The following SNX2 variants were observed in gnomAD, a reference collection of about 807,000 sequenced individuals.
SNX2 encodes sorting nexin 2.
In SNX2, 25 loss-of-function variants were observed where a neutral mutation model predicts 69.9. The observed-to-expected ratio is 0.36, with a 90% CI of 0.26 to 0.50. SNX2 has a LOEUF of 0.50. Ranked by LOEUF, SNX2 falls within the 20% of genes least tolerant of loss-of-function variation. The pLI is 0.97. For missense variants in SNX2, 551 were observed against 613.3 expected (o/e 0.90, Z 1.07); for synonymous variants, 229 against 200.4 (o/e 1.14, Z -1.20).
In SNX2 at chr5:122,831,917, G is replaced by T. The variant is rs1754299266; in HGVS notation, c.*2269G>T. Among the ~76,000 whole-genome samples, 1 of 152,092 alleles carries T rather than the reference G, an allele frequency of 6.6e-6. No homozygotes were observed. The highest frequency in any genetic ancestry group is 6.6e-5 in the Admixed American group (1 of 15,258). ...CCCTTGCCCACATTTACTAAAAGATGAGTGTGCTGGAAATTTCAAGTATTA... is the reference window on the plus strand; with the variant it reads ...CCCTTGCCCACATTTACTAAAAGATTAGTGTGCTGGAAATTTCAAGTATTA... On this transcript the variant is annotated 3_prime_UTR_variant, in exon 15 of 15. Coordinates refer to ENST00000379516, the MANE Select transcript of SNX2 (RefSeq NM_003100.4).
intron 3 of SNX2, among the ~76,000 whole-genome samples, chr5:122,800,326 C>A (rs896586045): frequency 3.3e-5 from 5 of 152,054 alleles, no homozygotes; most frequent in African/African-American, 1.2e-4. Flanking sequence ...AAAAATTATA[C>A]AGAGATTATT....
chr5:122,784,169 G>A (rs1753032353), intron 1 of SNX2, among the ~76,000 whole-genome samples: 1 of 150,024 alleles, frequency 6.7e-6, no homozygotes, highest in Admixed American at 6.6e-5. Context: ...TAATCATATT[G>A]TTTGTGATTG....
chr5:122,776,133 C>A (rs990415879), intron 1 of SNX2, among the ~76,000 whole-genome samples: 4 of 152,132 alleles, frequency 2.6e-5, no homozygotes, highest in African/African-American at 9.7e-5. Flanking sequence ...TATGAAATTT[C>A]CCAGAGGATT....
At chr5:122,779,386 A>G (rs1329408515) in intron 1 of SNX2, among the ~76,000 whole-genome samples, 1 of 152,144 alleles carries the variant, frequency 6.6e-6, no homozygotes, top group Non-Finnish European at 1.5e-5. Flanking sequence ...AGATTTCCCT[A>G]TTCTAGACTT....
intron 1 of SNX2, among the ~76,000 whole-genome samples, chr5:122,791,321 G>A (rs969522661): frequency 6.6e-6 from 1 of 151,468 alleles, no homozygotes; most frequent in Non-Finnish European, 1.5e-5. Context: ...TTGCCCTGTC[G>A]CCCAGGCTGG....
In SNX2 at chr5:122,834,225, T is replaced by C. The variant is rs995502513; in HGVS notation, c.*4577T>C. ...ACTGTTGCTTCAGACGCTGATAAGA[T>C]TGTAGAAGATAGGGAAGCTGTAGTT... On this transcript the variant is annotated 3_prime_UTR_variant, in exon 15 of 15. Coordinates refer to ENST00000379516, the MANE Select transcript of SNX2 (RefSeq NM_003100.4). The C allele has an allele frequency of 3.3e-5, 5 of 152,222 alleles. No individual in the cohort carries two copies. The highest frequency in any genetic ancestry group is 6.5e-5 in the Admixed American group (1 of 15,274). 9.4% of individuals were successfully genotyped at this position (152,222 alleles called of 1,614,324 possible). A position where few individuals can be genotyped will look rare whatever the true frequency, so the allele number is the denominator to read the frequency against.
At chr5:122,826,573 G>A in intron 12 of SNX2, 6 of 587,084 alleles carry the variant, frequency 1.0e-5, no homozygotes, top group Non-Finnish European at 1.3e-5. Context: ...ATTATATATG[G>A]TATTTTAGTG....
intron 3 of SNX2, 110 bp from the exon 4 acceptor site, chr5:122,801,759 A>G (rs868771593): frequency 1.4e-6 from 1 of 696,950 alleles, no homozygotes; most frequent in Middle Eastern, 4.0e-4. Context: ...GGGTGGCTAA[A>G]TTATTTGTTG....
At position 122,833,428 on chromosome 5, in the gene SNX2, C is replaced by A. The variant is rs1024864972; in HGVS notation, c.*3780C>A. The A allele has an allele frequency of 1.3e-5, 2 of 152,044 alleles. No individual in the cohort carries two copies. Among genetic ancestry groups the A allele is most frequent in the Non-Finnish European group, 2.9e-5 (2 of 67,966 alleles). 9.4% of individuals were successfully genotyped at this position (152,044 alleles called of 1,614,324 possible). On this transcript the variant is annotated 3_prime_UTR_variant, in exon 15 of 15. Coordinates refer to ENST00000379516, the MANE Select transcript of SNX2 (RefSeq NM_003100.4). ...CAGCCAAATGTTAAAAAGTAAAAAA[C>A]AATTTTAATAATCCAGTAGCTCCAA...
At chr5:122,816,823 GGA>G (rs1350804402) in intron 8 of SNX2, 90 bp from the exon 9 acceptor site, 7 of 565,960 alleles carry the variant, frequency 1.2e-5, no homozygotes, top group African/African-American at 1.1e-4. Context: ...TATGTGGGGG[GGA>G]GGGGGGAGGA....
Position 122,827,597 on chromosome 5 carries a change from A to G in SNX2, c.1460A>G (p.Lys487Arg), listed in dbSNP as rs762169819. 6.2e-7 allele frequency: 1 copy of G among 1,613,430 alleles called. No homozygotes were observed. ...CAGAAAGAACGAGTGAAGGATTTTA[A>G]AACCGTTATCATCAAGTACTTAGAA... ...RFEKERVKDF[K>R]TVIIKYLESL... Residue 487 changes from lysine to arginine, a missense_variant, in exon 14 of 15, where the codon AAA becomes AGA. Physicochemically the swap from Lys to Arg is conservative, Grantham distance 26. Around this residue, in one of 2 missense-constraint regions of SNX2, gnomAD observed 360 missense variants for 450.4 expected, o/e 0.80. Transcript: ENST00000379516.
chr5:122,795,151 C>A, intron 1 of SNX2, 115 bp from the exon 2 acceptor site: 1 of 672,874 alleles, frequency 1.5e-6, no homozygotes, highest in Non-Finnish European at 2.6e-6. Context: ...AATAGCTGTT[C>A]TTGTTCTTTC....
At chr5:122,791,461 T>C (rs185095339) in intron 1 of SNX2, among the ~76,000 whole-genome samples, 518 of 152,368 alleles carry the variant, frequency 3.4e-3, no homozygotes, top group Non-Finnish European at 5.9e-3. Context: ...TTTGTATTTT[T>C]AGTAGAGACG....
chr5:122,779,198 A>T (rs886321124), intron 1 of SNX2, among the ~76,000 whole-genome samples: 1 of 152,166 alleles, frequency 6.6e-6, no homozygotes, highest in African/African-American at 2.4e-5. Flanking sequence ...CCCATTTAGT[A>T]TGTACAATTT....
At chr5:122,785,640 T>C (rs1000629126) in intron 1 of SNX2, among the ~76,000 whole-genome samples, 5 of 152,236 alleles carry the variant, frequency 3.3e-5, no homozygotes, top group African/African-American at 9.6e-5. Flanking sequence ...TCTTATTTGA[T>C]CTATGAGTTA....
In SNX2 at chr5:122,825,058, A is replaced by C. The variant is rs369057712; in HGVS notation, c.1213-992A>C. Among the ~76,000 whole-genome samples the C allele has an allele frequency of 4.6e-5, 7 of 152,210 alleles. No individual in the cohort carries two copies. In the East Asian group the frequency reaches 5.8e-4, roughly 13 times the overall value. ...TGATTTTCTCCAAAGCCTGCTTTTT[A>C]AAAATATACTACCTACATATTTTTC... On this transcript the variant is annotated intron_variant, in intron 11 of 14. Coordinates refer to ENST00000379516, the MANE Select transcript of SNX2 (RefSeq NM_003100.4).
At chr5:122,816,606 G>A (rs1479797785) in intron 8 of SNX2, among the ~76,000 whole-genome samples, 1 of 152,150 alleles carries the variant, frequency 6.6e-6, no homozygotes, top group Non-Finnish European at 1.5e-5. Flanking sequence ...CAGGTGGCCA[G>A]TGTTAGGGTA....
At position 122,830,323 on chromosome 5, in the gene SNX2, G is replaced by C. The variant is rs1020132716; in HGVS notation, c.*675G>C. Among the ~76,000 whole-genome samples, 1 of 152,038 alleles carries C rather than the reference G, an allele frequency of 6.6e-6. No homozygotes were observed. The highest frequency in any genetic ancestry group is 2.1e-4 in the South Asian group (1 of 4,820). Reference sequence around the variant, plus strand: ...AGAACATTTGACTCTTGATTGTCTTGGGTAAAGAAGAGAATAATTGTCTTT... The same window carrying C: ...AGAACATTTGACTCTTGATTGTCTTCGGTAAAGAAGAGAATAATTGTCTTT... On this transcript the variant is annotated 3_prime_UTR_variant, in exon 15 of 15. Coordinates refer to ENST00000379516, the MANE Select transcript of SNX2 (RefSeq NM_003100.4).
At chr5:122,818,796 C>T in intron 10 of SNX2, 22 bp from the exon 11 acceptor site, 1 of 1,598,300 alleles carries the variant, frequency 6.3e-7, no homozygotes. Flanking sequence ...ACTAAAATTG[C>T]ATACTTTTTT....
Sources: allele counts gnomAD v4.1 joint callset (sites outside exome capture counted in the v4.1 genomes callset), GRCh38; gene constraint gnomAD v4.1.1; regional missense constraint gnomAD v4.1.1; transcripts MANE v1.5; gene names NCBI Gene and HGNC (gene_info 2026-07-23, HGNC 2026-07-21).